The following PGR variants were observed in gnomAD, a reference collection of about 807,000 sequenced individuals.
The protein encoded by PGR is progesterone receptor, also known as nuclear receptor subfamily 3 group C member 3.
PGR carries 25 observed loss-of-function variants against 76.1 expected under a neutral mutation model. The observed-to-expected ratio is 0.33, with a 90% CI of 0.24 to 0.46. The LOEUF (loss-of-function observed/expected upper bound fraction) is 0.46. Ranked by LOEUF, PGR falls within the 20% of genes least tolerant of loss-of-function variation. The pLI is 1.00. For synonymous variants in PGR, 579 were observed against 535.0 expected (o/e 1.08, Z -1.14); for missense variants, 1,172 against 1,225.3 (o/e 0.96, Z 0.65).
chr11:101,119,837 T>C (rs1468010834), intron 2 of PGR, among the ~76,000 whole-genome samples: 6 of 152,156 alleles, frequency 3.9e-5, no homozygotes, highest in African/African-American at 1.4e-4. Flanking sequence ...CAAAACAGTC[T>C]AGGAAAACAG....
chr11:101,075,147 C>A (rs1407783695), intron 3 of PGR, among the ~76,000 whole-genome samples: 1 of 152,092 alleles, frequency 6.6e-6, no homozygotes, highest in Non-Finnish European at 1.5e-5. Context: ...TGAAGCAGAA[C>A]AGAGGCCTCA....
rs1280444543 is a variant in PGR, at chr11:101,041,864, T to G, written c.2646+81A>C. ...ATTAATCTGAGAAAATCATACAAAG[T>G]AAAATTTACATGTAACATTTAAAAA... is the stretch of plus-strand genomic sequence containing the variant. On this transcript the variant is annotated intron_variant, in intron 7 of 7. Coordinates refer to ENST00000325455, the MANE Select transcript of PGR (RefSeq NM_000926.4). The G allele has an allele frequency of 7.1e-6, 9 of 1,266,278 alleles. 1 individual carries two copies. Among genetic ancestry groups the G allele is most frequent in the Non-Finnish European group, 1.0e-5 (9 of 880,028 alleles). The allele number at this position is 1,266,278 out of a possible 1,614,324, so 78.4% of individuals were successfully genotyped here. A position where few individuals can be genotyped will look rare whatever the true frequency, so the allele number is the denominator to read the frequency against.
At position 101,030,207 on chromosome 11, in the gene PGR, T is replaced by C. The variant is rs1859306344; in HGVS notation, c.*8909A>G. ...TGAGTCATGAGAAAGATTCCCTGCATCTCTTGCCAAGTATTAACACTAGTT... is the reference window on the plus strand; with the variant it reads ...TGAGTCATGAGAAAGATTCCCTGCACCTCTTGCCAAGTATTAACACTAGTT... On this transcript the variant is annotated 3_prime_UTR_variant, in exon 8 of 8. Coordinates refer to ENST00000325455, the MANE Select transcript of PGR (RefSeq NM_000926.4). 4.5e-6 allele frequency: 1 copy of C among 222,302 alleles called. No homozygotes were observed. The highest frequency in any genetic ancestry group is 1.8e-4 in the South Asian group (1 of 5,432). The allele number at this position is 222,302 out of a possible 1,614,324, so 13.8% of individuals were successfully genotyped here. A position where few individuals can be genotyped will look rare whatever the true frequency, so the allele number is the denominator to read the frequency against.
At chr11:101,094,725 A>T (rs1591409129) in intron 2 of PGR, among the ~76,000 whole-genome samples, 1 of 152,198 alleles carries the variant, frequency 6.6e-6, no homozygotes, top group East Asian at 1.9e-4. Flanking sequence ...ACAGAAAATA[A>T]CCTACAATTT....
At chr11:101,062,895 T>C (rs1433197923) in intron 3 of PGR, 143 bp from the exon 4 acceptor site, 1 of 589,706 alleles carries the variant, frequency 1.7e-6, no homozygotes, top group Non-Finnish European at 2.9e-6. Context: ...GTGTTAGATA[T>C]TAAAATTACA....
At chr11:101,114,085 C>A (rs1257018963) in intron 2 of PGR, among the ~76,000 whole-genome samples, 1 of 152,146 alleles carries the variant, frequency 6.6e-6, no homozygotes, top group Non-Finnish European at 1.5e-5. Flanking sequence ...TTTGAAATTA[C>A]AATAATTTTT....
At chr11:101,119,753 T>C (rs554076569) in intron 2 of PGR, among the ~76,000 whole-genome samples, 1 of 152,182 alleles carries the variant, frequency 6.6e-6, no homozygotes, top group Non-Finnish European at 1.5e-5. Flanking sequence ...GGAGCACAAT[T>C]TGAAAACCAG....
chr11:101,038,658 T>C lies in PGR; in HGVS notation c.*458A>G, dbSNP rs945717882. The C allele has an allele frequency of 8.6e-6, 2 of 231,946 alleles. No homozygotes were observed. The highest frequency in any genetic ancestry group is 2.2e-5 in the African/African-American group (1 of 45,174). 14.4% of individuals were successfully genotyped at this position (231,946 alleles called of 1,614,324 possible). A position where few individuals can be genotyped will look rare whatever the true frequency, so the allele number is the denominator to read the frequency against. ...TGAATTTCCTCCTCACACAAATATATATAGACAAAATTTTGCATACCATTT... is the reference window on the plus strand; with the variant it reads ...TGAATTTCCTCCTCACACAAATATACATAGACAAAATTTTGCATACCATTT... On this transcript the variant is annotated 3_prime_UTR_variant, in exon 8 of 8. Coordinates refer to ENST00000325455, the MANE Select transcript of PGR (RefSeq NM_000926.4).
chr11:101,079,428 A>AC (rs2135437124), intron 3 of PGR, among the ~76,000 whole-genome samples: 1 of 152,200 alleles, frequency 6.6e-6, no homozygotes, highest in East Asian at 1.9e-4. Context: ...TAGCAAAAAA[A>AC]AAAAGTAATC....
rs1184092933 is a variant in PGR at position 101,037,525 on chromosome 11, T to C, written c.*1591A>G. 4.4e-6 allele frequency: 1 copy of C among 227,674 alleles called. No individual in the cohort carries two copies. The highest frequency in any genetic ancestry group is 1.3e-3 in the Middle Eastern group (1 of 774). 14.1% of individuals were successfully genotyped at this position (227,674 alleles called of 1,614,324 possible). A position where few individuals can be genotyped will look rare whatever the true frequency, so the allele number is the denominator to read the frequency against. On this transcript the variant is annotated 3_prime_UTR_variant, in exon 8 of 8. Transcript: ENST00000325455. ...ACATAAACATAAGAAATAATTGTTT[T>C]GTGGAATTTTGCTTAGGGAGAGAAA... is the stretch of plus-strand genomic sequence containing the variant.
At chr11:101,087,756 CA>C (rs1203831288) in intron 3 of PGR, among the ~76,000 whole-genome samples, 1 of 151,274 alleles carries the variant, frequency 6.6e-6, no homozygotes, top group Admixed American at 6.6e-5. Context: ...AAAATCTCAC[CA>C]AAAAAATGGG....
In PGR at chr11:101,085,053, T is replaced by C. The variant is rs147832207; in HGVS notation, c.1906+6707A>G. On this transcript the variant is annotated intron_variant, in intron 3 of 7. Transcript: ENST00000325455. ...CAAGGCAGAAGACTAACAAAGAAATTCTGGACTTAAACTCAATGCTTGTCC... is the reference window on the plus strand; with the variant it reads ...CAAGGCAGAAGACTAACAAAGAAATCCTGGACTTAAACTCAATGCTTGTCC... Among the ~76,000 whole-genome samples, 6 of 152,258 alleles carry C rather than the reference T, an allele frequency of 3.9e-5. No individual in the cohort carries two copies. In the East Asian group the frequency reaches 1.2e-3, roughly 29 times the overall value.
chr11:101,062,305 T>C, intron 4 of PGR, 142 bp downstream of exon 4: 1 of 674,580 alleles, frequency 1.5e-6, no homozygotes, highest in South Asian at 1.9e-5. Context: ...GACAAATATT[T>C]TGAACTGCTC....
At position 101,127,569 on chromosome 11, in the gene PGR, G is replaced by T; in HGVS notation, c.1502C>A (p.Ser501Tyr). 7.3e-7 allele frequency: 1 copy of T among 1,373,270 alleles called. No individual in the cohort carries two copies. The highest frequency in any genetic ancestry group is 9.4e-7 in the Non-Finnish European group (1 of 1,062,868). The allele number at this position is 1,373,270 out of a possible 1,614,324, so 85.1% of individuals were successfully genotyped here. ...GGGGGCCGCCCCGGCGGCGGCGGCAGAGGCGGAGGTGGAGGGCAGGCCGTC... is the reference window on the plus strand; with the variant it reads ...GGGGGCCGCCCCGGCGGCGGCGGCATAGGCGGAGGTGGAGGGCAGGCCGTC... ...PRDGLPSTSA[S>Y]AAAAGAAPAL... The change falls in exon 1 of 8, where the codon TCT becomes TAT. Residue 501 changes from serine to tyrosine, a missense_variant. Ser to Tyr is a moderately radical substitution (Grantham distance 144). This residue lies in a region of PGR where 893 missense variants were observed against 785.9 expected (regional missense o/e 1.14). Coordinates refer to ENST00000325455, the MANE Select transcript of PGR (RefSeq NM_000926.4).
At chr11:101,073,823 A>T (rs776263267) in intron 3 of PGR, among the ~76,000 whole-genome samples, 5 of 152,198 alleles carry the variant, frequency 3.3e-5, no homozygotes. Flanking sequence ...AAGTTCTGAA[A>T]TTGAGGCAGT....
chr11:101,112,233 ATGAT>A (rs1862365767), intron 2 of PGR, among the ~76,000 whole-genome samples: 1 of 152,246 alleles, frequency 6.6e-6, no homozygotes, highest in African/African-American at 2.4e-5. Flanking sequence ...AAGAAGAAAA[ATGAT>A]TGGTGGCTGA....
intron 2 of PGR, among the ~76,000 whole-genome samples, chr11:101,103,804 A>G (rs1258027951): frequency 6.6e-6 from 1 of 152,214 alleles, no homozygotes; most frequent in Non-Finnish European, 1.5e-5. Flanking sequence ...GCTTTTTAAA[A>G]TTACATTTAC....
At chr11:101,061,259 C>A (rs1591380167) in intron 4 of PGR, among the ~76,000 whole-genome samples, 1 of 152,174 alleles carries the variant, frequency 6.6e-6, no homozygotes, top group East Asian at 1.9e-4. Context: ...AAATTATTGT[C>A]TGTTTAAGGC....
intron 2 of PGR, among the ~76,000 whole-genome samples, chr11:101,114,245 C>T (rs1411798343): frequency 6.6e-6 from 1 of 152,196 alleles, no homozygotes; most frequent in Non-Finnish European, 1.5e-5. Flanking sequence ...GACTGCATTT[C>T]TGCAACGTGT....
Sources: allele counts gnomAD v4.1 joint callset (sites outside exome capture counted in the v4.1 genomes callset), GRCh38; gene constraint gnomAD v4.1.1; regional missense constraint gnomAD v4.1.1; transcripts MANE v1.5; gene names NCBI Gene and HGNC (gene_info 2026-07-23, HGNC 2026-07-21).